Variants in USP10 observed in about 807,000 individuals in gnomAD.
USP10 encodes the protein ubiquitin specific peptidase 10.
A neutral mutation model predicts 84.5 loss-of-function variants in USP10; 22 were observed. The observed-to-expected ratio is 0.26, with a 90% confidence interval of 0.19 to 0.37. USP10 has a LOEUF of 0.37. USP10 is among the 10% of genes least tolerant of loss of function. The pLI is 1.00. For synonymous variants in USP10, 454 were observed against 387.6 expected (o/e 1.17, Z -2.01); for missense variants, 1,019 against 998.9 (o/e 1.02, Z -0.27).
intron 9 of USP10, 115 bp downstream of exon 9, chr16:84,763,203 A>G: frequency 3.5e-6 from 2 of 564,872 alleles, no homozygotes; most frequent in Non-Finnish European, 6.3e-6. Context: ...TTCAAATAGC[A>G]TTTATTCCCT....
chr16:84,711,530 A>T (rs80247980), intron 1 of USP10, among the ~76,000 whole-genome samples: 1,698 of 152,180 alleles, frequency 0.011, 29 homozygotes, highest in African/African-American at 0.038. Context: ...TTGCTCATGG[A>T]TTCGTCAGGT....
chr16:84,736,550 A>G (rs1334941658), intron 2 of USP10, among the ~76,000 whole-genome samples: 2 of 152,226 alleles, frequency 1.3e-5, no homozygotes, highest in Non-Finnish European at 2.9e-5. Flanking sequence ...AAATGCAGTC[A>G]CCTTATTTAA....
chr16:84,768,750 A>G (rs1163381649), intron 11 of USP10, among the ~76,000 whole-genome samples: 3 of 152,228 alleles, frequency 2.0e-5, no homozygotes, highest in Non-Finnish European at 2.9e-5. Context: ...TTCCAGACAC[A>G]TCTGTTTTGC....
intron 1 of USP10, among the ~76,000 whole-genome samples, chr16:84,730,545 T>C (rs1733846257): frequency 6.6e-6 from 1 of 152,210 alleles, no homozygotes; most frequent in African/African-American, 2.4e-5. Flanking sequence ...AGTGAACCGT[T>C]TCTGAGCGTT....
intron 2 of USP10, among the ~76,000 whole-genome samples, chr16:84,737,015 C>G (rs1313473808): frequency 1.3e-5 from 2 of 152,226 alleles, no homozygotes; most frequent in Non-Finnish European, 2.9e-5. Flanking sequence ...GTCTTGATCT[C>G]CTGACCTCGT....
chr16:84,749,119 T>C (rs749420989), intron 4 of USP10, among the ~76,000 whole-genome samples: 9 of 152,230 alleles, frequency 5.9e-5, no homozygotes, highest in Admixed American at 1.3e-4. Flanking sequence ...GAATAACCCT[T>C]GGGATCATAT....
intron 12 of USP10, 149 bp downstream of exon 12, chr16:84,772,834 A>G (rs1914598672): frequency 3.7e-6 from 4 of 1,088,122 alleles, no homozygotes; most frequent in Non-Finnish European, 5.1e-6. Flanking sequence ...CTTGTAATAG[A>G]CCTTAATACT....
intron 1 of USP10, among the ~76,000 whole-genome samples, chr16:84,707,841 G>A (rs182469876): frequency 1.3e-5 from 2 of 152,222 alleles, no homozygotes; most frequent in African/African-American, 4.8e-5. Context: ...CACTTTGGGA[G>A]GCTGAGGCAG....
chr16:84,704,808 C>G (rs1251925027), intron 1 of USP10: 34 of 1,535,600 alleles, frequency 2.2e-5, no homozygotes, highest in Non-Finnish European at 2.9e-5. Context: ...CACTGCCATT[C>G]TGTCCCGTCT....
At chr16:84,765,485 T>TG (rs981725950) in intron 10 of USP10, among the ~76,000 whole-genome samples, 2 of 152,168 alleles carry the variant, frequency 1.3e-5, no homozygotes, top group African/African-American at 4.8e-5. Flanking sequence ...TCTTTTTTTT[T>TG]TTTTTAATAA....
intron 4 of USP10, among the ~76,000 whole-genome samples, chr16:84,752,321 G>C (rs1434255927): frequency 1.3e-5 from 2 of 152,180 alleles, no homozygotes; most frequent in Non-Finnish European, 2.9e-5. Context: ...TGAAAAGAAG[G>C]CTTCTGGGGA....
At chr16:84,700,219 G>C (rs1281341780) in intron 1 of USP10, 108 bp downstream of exon 1, 1 of 919,174 alleles carries the variant, frequency 1.1e-6, no homozygotes, top group Non-Finnish European at 1.4e-6. Context: ...TGTGGGAGTG[G>C]GGGAGGGCGC....
intron 4 of USP10, among the ~76,000 whole-genome samples, chr16:84,748,208 CTAAGT>C (rs1156442316): frequency 6.9e-6 from 1 of 144,884 alleles, no homozygotes; most frequent in Non-Finnish European, 1.5e-5. Context: ...ATATAGATTA[CTAAGT>C]TAAAAGTTTA....
At chr16:84,703,848 C>A (rs550644403) in intron 1 of USP10, among the ~76,000 whole-genome samples, 1 of 152,322 alleles carries the variant, frequency 6.6e-6, no homozygotes, top group South Asian at 2.1e-4. Flanking sequence ...TTGAGCCCAT[C>A]TCATTGAGAG....
intron 2 of USP10, among the ~76,000 whole-genome samples, chr16:84,738,224 G>T (rs186245460): frequency 6.6e-6 from 1 of 152,338 alleles, no homozygotes; most frequent in Non-Finnish European, 1.5e-5. Context: ...ATACTGGGAA[G>T]TGTGAAGAGA....
chr16:84,761,209 C>T (rs1040178431), intron 8 of USP10, among the ~76,000 whole-genome samples: 2 of 152,252 alleles, frequency 1.3e-5, no homozygotes, highest in African/African-American at 4.8e-5. Context: ...CACAAAGATA[C>T]AGAGATGCCT....
chr16:84,721,307 T>A (rs543104923), intron 1 of USP10, among the ~76,000 whole-genome samples: 7 of 152,304 alleles, frequency 4.6e-5, no homozygotes, highest in African/African-American at 1.7e-4. Context: ...ACTGAAGAAT[T>A]CTTCTTCCGT....
At chr16:84,742,218 A>G (rs956779959) in intron 3 of USP10, among the ~76,000 whole-genome samples, 6 of 152,154 alleles carry the variant, frequency 3.9e-5, no homozygotes, top group Non-Finnish European at 8.8e-5. Context: ...CCTGTTTTAG[A>G]TGTTCCTAAA....
intron 1 of USP10, among the ~76,000 whole-genome samples, chr16:84,723,818 C>T (rs950736807): frequency 1.3e-5 from 2 of 152,176 alleles, no homozygotes; most frequent in African/African-American, 4.8e-5. Context: ...GTGTAATCAC[C>T]TCCACAATCA....
Sources: allele counts gnomAD v4.1 joint callset (sites outside exome capture counted in the v4.1 genomes callset), GRCh38; gene constraint gnomAD v4.1.1; transcripts MANE v1.5; gene names NCBI Gene and HGNC (gene_info 2026-07-23, HGNC 2026-07-21).